The following TAOK1 variants were observed in gnomAD, a reference collection of about 807,000 sequenced individuals.
TAOK1 encodes the protein serine/threonine-protein kinase TAO1.
A neutral mutation model predicts 138.3 loss-of-function variants in TAOK1; 21 were observed. That is an observed-to-expected ratio of 0.15 (90% CI 0.11 to 0.22). TAOK1 has a LOEUF of 0.22. Among genes scored for constraint, TAOK1 ranks in the 10% least tolerant of loss-of-function variants. The probability of loss-of-function intolerance (pLI) is 1.00; values close to 1 mark genes in which losing one functional copy is unlikely to be tolerated. For missense variants in TAOK1, 651 were observed against 1,227.7 expected (o/e 0.53, Z 7.02); for synonymous variants, 361 against 398.4 (o/e 0.91, Z 1.12).
intron 2 of TAOK1, among the ~76,000 whole-genome samples, chr17:29,454,521 A>G (rs1193135356): frequency 6.6e-6 from 1 of 151,984 alleles, no homozygotes; most frequent in Middle Eastern, 3.2e-3. Flanking sequence ...TGTTGACTCT[A>G]TAGATCACTT....
intron 3 of TAOK1, among the ~76,000 whole-genome samples, chr17:29,471,823 C>T (rs1452414659): frequency 6.6e-6 from 1 of 152,172 alleles, no homozygotes; most frequent in African/African-American, 2.4e-5. Context: ...GCATTTTACC[C>T]ATGATAAAAC....
chr17:29,503,877 G>A (rs1766365500), intron 13 of TAOK1, among the ~76,000 whole-genome samples: 1 of 152,098 alleles, frequency 6.6e-6, no homozygotes, highest in Non-Finnish European at 1.5e-5. Context: ...TTGGGAGGCT[G>A]AAGTAAGTGG....
chr17:29,394,110 A>T (rs1904511478), intron 1 of TAOK1, among the ~76,000 whole-genome samples: 1 of 148,360 alleles, frequency 6.7e-6, no homozygotes, highest in Non-Finnish European at 1.5e-5. Context: ...CTGGATGCTC[A>T]TAACTAACCA....
chr17:29,511,802 T>G (rs1366978091), intron 15 of TAOK1: 1 of 151,948 alleles, frequency 6.6e-6, no homozygotes, highest in Non-Finnish European at 1.5e-5. Context: ...CTACCTCGGC[T>G]TCCCAAAGTG....
Position 29,477,657 on chromosome 17 carries a change from G to T in TAOK1, c.307-4G>T, listed in dbSNP as rs1341108407. 2 of 1,370,282 alleles carry T rather than the reference G, an allele frequency of 1.5e-6. No homozygotes were observed. Among genetic ancestry groups the T allele is most frequent in the Non-Finnish European group, 1.9e-6 (2 of 1,049,628 alleles). 84.9% of individuals were successfully genotyped at this position (1,370,282 alleles called of 1,614,324 possible). ...TTTAATGCTTTTATAACTTTTCCAT[G>T]TAGCTTGTAATGGAATATTGTTTAG... On this transcript the variant is annotated splice_polypyrimidine_tract_variant and splice_region_variant and intron_variant, in intron 4 of 19. Coordinates refer to ENST00000261716, the MANE Select transcript of TAOK1 (RefSeq NM_020791.4).
In TAOK1 at chr17:29,399,073, A is replaced by G. The variant is rs536596031; in HGVS notation, c.-95+8049A>G. 1.1e-4 allele frequency among the ~76,000 whole-genome samples: 15 copies of G among 142,006 alleles called. No individual in the cohort carries two copies. In the South Asian group the frequency reaches 3.4e-3, roughly 32 times the overall value. The allele number at this position is 142,006 out of a possible 152,430, so 93.2% of individuals were successfully genotyped here. A position where few individuals can be genotyped will look rare whatever the true frequency, so the allele number is the denominator to read the frequency against. On this transcript the variant is annotated intron_variant, in intron 1 of 19. Transcript: ENST00000261716. ...ACGATCTCGGCTGCCTGCAGCCTTGACCTCCCAGGCTCAAGTGATCCACCC... is the reference window on the plus strand; with the variant it reads ...ACGATCTCGGCTGCCTGCAGCCTTGGCCTCCCAGGCTCAAGTGATCCACCC...
At chr17:29,533,588 T>C (rs12453884) in intron 18 of TAOK1, among the ~76,000 whole-genome samples, 128,481 of 148,858 alleles carry the variant, frequency 0.86, 55,472 homozygotes, top group Middle Eastern at 0.95. Context: ...TCTGCAATCC[T>C]GGCACCTCGG....
Position 29,478,270 on chromosome 17 carries a change from A to G in TAOK1, c.372A>G (p.Gln124=), listed in dbSNP as rs749174155. ...TTTAAGTTCACAAAAAGCCATTACA[A>G]GAAGTGGAAATAGCAGCAATTACAC... ...DLLEVHKKPL[Q]EVEIAAITHG... The change falls in exon 6 of 20, where the codon CAA becomes CAG. Residue 124 remains glutamine (Q), a synonymous_variant. Transcript: ENST00000261716. 15 of 1,596,852 alleles carry G rather than the reference A, an allele frequency of 9.4e-6. No homozygotes were observed. In the African/African-American group the frequency reaches 1.3e-4, roughly 14 times the overall value.
rs1212790753 is a variant in TAOK1, at chr17:29,526,681, TG to T, written c.2149-3723del. Among the ~76,000 whole-genome samples the T allele has an allele frequency of 2.0e-5, 3 of 152,038 alleles. No homozygotes were observed. The East Asian group carries it at 5.8e-4, about 29-fold the overall frequency. On this transcript the variant is annotated intron_variant, in intron 17 of 19. Transcript: ENST00000261716. ...CACCCACCTCAGCCTCTCAGAGTCT[TG>T]GGATTACAGGCGTGAGCCACCACAC...
rs34539579 is a variant in TAOK1, at chr17:29,413,881, C to CTTTTT, written c.-95+22874_-95+22878dup. Among the ~76,000 whole-genome samples the CTTTTT allele has an allele frequency of 3.1e-3, 314 of 101,206 alleles. 2 individuals carry two copies. The highest frequency in any genetic ancestry group is 6.2e-3 in the East Asian group (19 of 3,056). 66.4% of individuals were successfully genotyped at this position (101,206 alleles called of 152,430 possible). A position where few individuals can be genotyped will look rare whatever the true frequency, so the allele number is the denominator to read the frequency against. On this transcript the variant is annotated intron_variant, in intron 1 of 19. Coordinates refer to ENST00000261716, the MANE Select transcript of TAOK1 (RefSeq NM_020791.4). Reference sequence around the variant, plus strand: ...ATATTTGACCTTTTGTTTCTGGCTTCTTTTTTTTTTTTTTTTTTTTTGAGA... The same window carrying CTTTTT: ...ATATTTGACCTTTTGTTTCTGGCTTCTTTTTTTTTTTTTTTTTTTTTTTTTTGAGA...
At chr17:29,489,089 A>G (rs2031241904) in intron 8 of TAOK1, among the ~76,000 whole-genome samples, 1 of 152,178 alleles carries the variant, frequency 6.6e-6, no homozygotes, top group Non-Finnish European at 1.5e-5. Context: ...GATTTAATGG[A>G]TGTATTACGA....
At chr17:29,540,822 A>G (rs1248910315) in intron 19 of TAOK1, among the ~76,000 whole-genome samples, 2 of 151,902 alleles carry the variant, frequency 1.3e-5, no homozygotes, top group African/African-American at 4.8e-5. Flanking sequence ...TGCCTGCCTC[A>G]GCCTCCCAAA....
chr17:29,410,635 G>GTTTT (rs1207404073), intron 1 of TAOK1, among the ~76,000 whole-genome samples: 4 of 136,906 alleles, frequency 2.9e-5, no homozygotes, highest in Non-Finnish European at 4.7e-5. Flanking sequence ...TTTTTTTTTG[G>GTTTT]TTTTTTTTTT....
At chr17:29,538,654 A>G (rs1429317487) in intron 19 of TAOK1, among the ~76,000 whole-genome samples, 1 of 152,248 alleles carries the variant, frequency 6.6e-6, no homozygotes, top group Non-Finnish European at 1.5e-5. Flanking sequence ...AGTTGATTCT[A>G]GATGAAAAAT....
At position 29,479,751 on chromosome 17, in the gene TAOK1, CTTA is replaced by C. The variant is rs759616857; in HGVS notation, c.450-612_450-610del. On this transcript the variant is annotated intron_variant, in intron 6 of 19. Coordinates refer to ENST00000261716, the MANE Select transcript of TAOK1 (RefSeq NM_020791.4). Reference sequence around the variant, plus strand: ...TTATAATGCTAATTAGATGGACAGTCTTATTATATAAATACATGTTTTCTTAGT... The same window carrying C: ...TTATAATGCTAATTAGATGGACAGTCTTATATAAATACATGTTTTCTTAGT... Among the ~76,000 whole-genome samples, 129 of 151,980 alleles carry C rather than the reference CTTA, an allele frequency of 8.5e-4. 10 individuals are homozygous for C. Among genetic ancestry groups the C allele is most frequent in the Non-Finnish European group, 1.9e-4 (13 of 67,980 alleles).
intron 1 of TAOK1, among the ~76,000 whole-genome samples, chr17:29,421,130 A>G (rs905610909): frequency 6.6e-6 from 1 of 150,720 alleles, no homozygotes; most frequent in Non-Finnish European, 1.5e-5. Flanking sequence ...GGTTTTCCCC[A>G]TGTTGGCCCA....
chr17:29,409,308 C>CATATATAT lies in TAOK1; in HGVS notation c.-95+18303_-95+18310dup, dbSNP rs1183993280. 3.5e-3 allele frequency among the ~76,000 whole-genome samples: 282 copies of CATATATAT among 79,478 alleles called. 4 individuals are homozygous for CATATATAT. The highest frequency in any genetic ancestry group is 0.015 in the African/African-American group (265 of 17,562). 52.1% of individuals were successfully genotyped at this position (79,478 alleles called of 152,430 possible). A position where few individuals can be genotyped will look rare whatever the true frequency, so the allele number is the denominator to read the frequency against. The stretch of plus-strand genomic sequence containing the variant: ...ATTTGTATATAAGCCTTTTTATGGA[C>CATATATAT]ATATATATATATATATATATATATA... On this transcript the variant is annotated intron_variant, in intron 1 of 19. Transcript: ENST00000261716.
At chr17:29,482,431 TG>T (rs1421080993) in intron 8 of TAOK1, 143 bp downstream of exon 8, 7 of 664,294 alleles carry the variant, frequency 1.1e-5, no homozygotes, top group African/African-American at 1.8e-5. Flanking sequence ...GTTTTCACTT[TG>T]GTTATTTGGT....
chr17:29,421,516 A>G (rs1457075154), intron 1 of TAOK1, among the ~76,000 whole-genome samples: 1 of 152,152 alleles, frequency 6.6e-6, no homozygotes, highest in African/African-American at 2.4e-5. Flanking sequence ...ATTTGATAGA[A>G]TTTCCCTGTG....
Sources: allele counts gnomAD v4.1 joint callset (sites outside exome capture counted in the v4.1 genomes callset), GRCh38; gene constraint gnomAD v4.1.1; transcripts MANE v1.5; gene names NCBI Gene and HGNC (gene_info 2026-07-23, HGNC 2026-07-21).